HPSE2: variants seen among roughly 807,000 people sequenced by gnomAD.
The protein encoded by HPSE2 is inactive heparanase-2.
In HPSE2, 38 loss-of-function variants were observed where a neutral mutation model predicts 60.5. The ratio of observed to expected loss-of-function variants is 0.63; its 90% CI spans 0.48 to 0.82. The LOEUF (loss-of-function observed/expected upper bound fraction) is 0.82. Among genes scored for constraint, HPSE2 ranks in the 40% least tolerant of loss-of-function variants. The pLI, the probability that HPSE2 is intolerant of heterozygous loss-of-function variation, is 0.00. For missense variants in HPSE2, 713 were observed against 740.4 expected, an observed-to-expected ratio of 0.96 and a Z score of 0.43; for synonymous variants, 295 against 293.2, an observed-to-expected ratio of 1.01 and a Z score of -0.06.
chr10:98,626,114 AAAAG>A (rs1337143847), intron 7 of HPSE2, among the ~76,000 whole-genome samples: 5 of 92,338 alleles, frequency 5.4e-5, no homozygotes, highest in South Asian at 3.2e-4. Context: ...TCAAAAAAAA[AAAAG>A]AAAAAGAAAA....
intron 3 of HPSE2, among the ~76,000 whole-genome samples, chr10:98,990,577 G>A (rs1956499084): frequency 6.6e-6 from 1 of 152,230 alleles, no homozygotes; most frequent in African/African-American, 2.4e-5. Flanking sequence ...TGGCCTGGAG[G>A]TTGGGGACCC....
intron 9 of HPSE2, among the ~76,000 whole-genome samples, chr10:98,531,073 A>G (rs1467229405): frequency 6.6e-6 from 1 of 152,222 alleles, no homozygotes; most frequent in Non-Finnish European, 1.5e-5. Context: ...GGGACAACAA[A>G]TGTGGAAAAC....
chr10:99,238,643 A>G (rs1849905277), upstream of HPSE2, among the ~76,000 whole-genome samples: 1 of 152,314 alleles, frequency 6.6e-6, no homozygotes, highest in South Asian at 2.1e-4. Context: ...GTTTGGGTTT[A>G]GATCTCCAGA....
intron 3 of HPSE2, among the ~76,000 whole-genome samples, chr10:98,889,996 G>A (rs1256008619): frequency 6.6e-6 from 1 of 152,098 alleles, no homozygotes; most frequent in African/African-American, 2.4e-5. Flanking sequence ...CTCAAACAGT[G>A]GTTCAAAGTT....
At chr10:98,511,556 G>GTGTGTGTGTGTT (rs1564929676) in intron 9 of HPSE2, among the ~76,000 whole-genome samples, 1 of 1,210 alleles carries the variant, frequency 8.3e-4, no homozygotes, top group African/African-American at 1.5e-3. Flanking sequence ...CATAACTATG[G>GTGTGTGTGTGTT]TGTGTGTGTG....
chr10:98,549,427 C>G (rs1943794629), intron 9 of HPSE2, among the ~76,000 whole-genome samples: 1 of 152,116 alleles, frequency 6.6e-6, no homozygotes, highest in Non-Finnish European at 1.5e-5. Context: ...TGGCCTCCTT[C>G]AGAAGTTCAC....
intron 11 of HPSE2, among the ~76,000 whole-genome samples, chr10:98,475,915 C>T (rs1444674378): frequency 4.6e-5 from 7 of 152,026 alleles, no homozygotes; most frequent in African/African-American, 9.7e-5. Flanking sequence ...GTCAGTGTGG[C>T]GATTCCTCAG....
At chr10:98,632,221 G>A (rs1301742247) in intron 7 of HPSE2, among the ~76,000 whole-genome samples, 2 of 151,954 alleles carry the variant, frequency 1.3e-5, no homozygotes, top group African/African-American at 2.4e-5. Flanking sequence ...AATATATATT[G>A]CACTCAATAA....
intron 3 of HPSE2, among the ~76,000 whole-genome samples, chr10:98,749,947 T>TATATATATATATATACACACACACAC: frequency 5.0e-4 from 49 of 98,462 alleles, no homozygotes; most frequent in Admixed American, 1.1e-3. Flanking sequence ...TATATATATA[T>TATATATATATATATACACACACACAC]ACACACACAC....
At position 98,705,112 on chromosome 10, in the gene HPSE2, C is replaced by T. The variant is rs1024459656; in HGVS notation, c.957-11165G>A. On this transcript the variant is annotated intron_variant, in intron 5 of 11. Transcript: ENST00000370552. ...GGGCAAAGGATATGAACAGACACTTCTCAAAAGAAGATATTAATGTGGTGA... is the reference window on the plus strand; with the variant it reads ...GGGCAAAGGATATGAACAGACACTTTTCAAAAGAAGATATTAATGTGGTGA... Among the ~76,000 whole-genome samples the T allele has an allele frequency of 5.9e-5, 9 of 152,192 alleles. No homozygotes were observed. The East Asian group carries it at 9.7e-4, about 16-fold the overall frequency.
intron 3 of HPSE2, among the ~76,000 whole-genome samples, chr10:98,800,175 C>CT (rs535485083): frequency 1.9e-4 from 29 of 151,758 alleles, no homozygotes; most frequent in Non-Finnish European, 3.5e-4. Flanking sequence ...CAAGACCAGC[C>CT]TGGGCAAAAT....
intron 3 of HPSE2, among the ~76,000 whole-genome samples, chr10:99,118,891 C>T (rs1031374932): frequency 1.3e-5 from 2 of 151,862 alleles, no homozygotes; most frequent in African/African-American, 4.8e-5. Context: ...GTGGTAGGCA[C>T]CTGTATTCCC....
At chr10:99,212,015 T>G (rs1848968358) in intron 2 of HPSE2, among the ~76,000 whole-genome samples, 1 of 152,008 alleles carries the variant, frequency 6.6e-6, no homozygotes, top group African/African-American at 2.4e-5. Flanking sequence ...ACAAATATTT[T>G]TAAATGGGCA....
chr10:99,292,211 A>G, the HPSE2 span, among the ~76,000 whole-genome samples: 3 of 152,228 alleles, frequency 2.0e-5, no homozygotes, highest in African/African-American at 7.2e-5. Context: ...AAAATGTTTG[A>G]AAACAGGCTG....
At position 98,936,867 on chromosome 10, in the gene HPSE2, T is replaced by C. The variant is rs1451903763; in HGVS notation, c.611-192811A>G. Among the ~76,000 whole-genome samples the C allele has an allele frequency of 3.7e-5, 5 of 135,362 alleles. 1 individual carries two copies. The highest frequency in any genetic ancestry group is 1.3e-4 in the African/African-American group (4 of 31,278). 88.8% of individuals were successfully genotyped at this position (135,362 alleles called of 152,430 possible). A position where few individuals can be genotyped will look rare whatever the true frequency, so the allele number is the denominator to read the frequency against. ...GGTAGCACACACCTGTAATCCCAGA[T>C]ACTCAGGAGGCTGAAGCAGGAAAAT... On this transcript the variant is annotated intron_variant, in intron 3 of 11. Coordinates refer to ENST00000370552, the MANE Select transcript of HPSE2 (RefSeq NM_021828.5).
intron 3 of HPSE2, among the ~76,000 whole-genome samples, chr10:98,966,239 G>C (rs1186203258): frequency 6.6e-6 from 1 of 152,180 alleles, no homozygotes; most frequent in Admixed American, 6.5e-5. Context: ...TTTAAAGGAT[G>C]AGTAGAAAGT....
intron 3 of HPSE2, among the ~76,000 whole-genome samples, chr10:98,997,450 G>C (rs1311716003): frequency 6.6e-6 from 1 of 152,066 alleles, no homozygotes; most frequent in East Asian, 1.9e-4. Context: ...TCAATGCAAT[G>C]ACTACATCTT....
intron 11 of HPSE2, among the ~76,000 whole-genome samples, chr10:98,479,002 A>T (rs1052432933): frequency 1.3e-5 from 2 of 152,180 alleles, no homozygotes; most frequent in Non-Finnish European, 2.9e-5. Context: ...ATACATAAAT[A>T]GTGACCCCAA....
At chr10:98,524,146 G>A (rs1942885316) in intron 9 of HPSE2, among the ~76,000 whole-genome samples, 1 of 152,206 alleles carries the variant, frequency 6.6e-6, no homozygotes, top group African/African-American at 2.4e-5. Context: ...ATGCTCTGCT[G>A]TTGACATCTT....
Sources: allele counts gnomAD v4.1 joint callset (sites outside exome capture counted in the v4.1 genomes callset), GRCh38; gene constraint gnomAD v4.1.1; transcripts MANE v1.5; gene names NCBI Gene and HGNC (gene_info 2026-07-23, HGNC 2026-07-21).